BMP7: variants seen among roughly 807,000 people sequenced by gnomAD.
BMP7 encodes bone morphogenetic protein 7, also known as osteogenic protein 1.
BMP7 carries 12 observed loss-of-function variants against 41.2 expected under a neutral mutation model. The ratio of observed to expected loss-of-function variants is 0.29; its 90% CI spans 0.19 to 0.47. The LOEUF is 0.47. Among genes scored for constraint, BMP7 ranks in the 20% least tolerant of loss-of-function variants. The probability of loss-of-function intolerance (pLI) is 0.99; values close to 1 mark genes in which losing one functional copy is unlikely to be tolerated. For synonymous variants in BMP7, 248 were observed against 250.0 expected (o/e 0.99, Z 0.07); for missense variants, 467 against 606.0 (o/e 0.77, Z 2.41).
intron 2 of BMP7, among the ~76,000 whole-genome samples, chr20:57,205,373 T>C (rs987357428): frequency 1.3e-5 from 2 of 152,224 alleles, no homozygotes; most frequent in African/African-American, 4.8e-5. Flanking sequence ...GCTTCGGGGA[T>C]GTCTACACAG....
Position 57,258,284 on chromosome 20 carries a change from C to T in BMP7, c.418+7421G>A, listed in dbSNP as rs570175246. On this transcript the variant is annotated intron_variant, in intron 1 of 6. Coordinates refer to ENST00000395863, the MANE Select transcript of BMP7 (RefSeq NM_001719.3). Reference sequence around the variant, plus strand: ...ATCTGGCCCTGAAGCCATTCTCTTTCGTCCTCTGGTCTCTAGAGGCTTCTA... The same window carrying T: ...ATCTGGCCCTGAAGCCATTCTCTTTTGTCCTCTGGTCTCTAGAGGCTTCTA... 3.9e-5 allele frequency among the ~76,000 whole-genome samples: 6 copies of T among 152,338 alleles called. No homozygotes were observed. The East Asian group carries it at 7.7e-4, about 20-fold the overall frequency.
chr20:57,264,429 G>A (rs1475408149), intron 1 of BMP7, among the ~76,000 whole-genome samples: 5 of 152,258 alleles, frequency 3.3e-5, no homozygotes, highest in Non-Finnish European at 1.5e-5. Flanking sequence ...TGTTATCTCG[G>A]AAACCAAATA....
At chr20:57,211,498 C>T (rs565161937) in intron 2 of BMP7, among the ~76,000 whole-genome samples, 1 of 146,158 alleles carries the variant, frequency 6.8e-6, no homozygotes, top group African/African-American at 2.8e-5. Context: ...CAGGTCCTGA[C>T]CCAGGAAGCT....
At chr20:57,206,069 C>T (rs770848360) in intron 2 of BMP7, among the ~76,000 whole-genome samples, 15 of 152,116 alleles carry the variant, frequency 9.9e-5, no homozygotes, top group Admixed American at 2.6e-4. Flanking sequence ...TCTGACAGCT[C>T]GGAGAGGGGG....
chr20:57,221,227 C>T (rs377637836), intron 2 of BMP7, among the ~76,000 whole-genome samples: 13 of 152,246 alleles, frequency 8.5e-5, no homozygotes, highest in Admixed American at 1.3e-4. Context: ...TGTCCAAGTC[C>T]GTGCAACTTC....
chr20:57,214,675 C>T lies in BMP7; in HGVS notation c.612-12052G>A, dbSNP rs1194267481. On this transcript the variant is annotated intron_variant, in intron 2 of 6. Transcript: ENST00000395863. The surrounding 1 kb of genome is among the most constrained non-coding windows in gnomAD (Gnocchi z 4.0). Reference sequence around the variant, plus strand: ...CCTGTTCTTGAGCATCCCAGGGAAGCGTCCACTGATGCCCTAATGGTGCAT... The same window carrying T: ...CCTGTTCTTGAGCATCCCAGGGAAGTGTCCACTGATGCCCTAATGGTGCAT... Among the ~76,000 whole-genome samples the T allele has an allele frequency of 6.6e-6, 1 of 152,208 alleles. No individual in the cohort carries two copies. The highest frequency in any genetic ancestry group is 1.9e-4 in the East Asian group (1 of 5,190).
intron 2 of BMP7, 147 bp from the exon 3 acceptor site, chr20:57,202,770 C>T: frequency 9.9e-7 from 1 of 1,006,396 alleles, no homozygotes; most frequent in Admixed American, 2.4e-5. Flanking sequence ...AGACCAAGAT[C>T]CAGGCACAAA....
chr20:57,192,756 A>G (rs74556490), intron 3 of BMP7, among the ~76,000 whole-genome samples: 17 of 134,926 alleles, frequency 1.3e-4, no homozygotes, highest in East Asian at 7.9e-4. Context: ...GCAGATTTTG[A>G]AAAAAAAAAA....
intron 1 of BMP7, among the ~76,000 whole-genome samples, chr20:57,251,549 C>A (rs911501779): frequency 6.6e-6 from 1 of 152,178 alleles, no homozygotes; most frequent in African/African-American, 2.4e-5. Context: ...ACAGCTTTCG[C>A]AGACTCAGAG....
intron 3 of BMP7, among the ~76,000 whole-genome samples, chr20:57,190,685 G>C (rs547713683): frequency 6.6e-6 from 1 of 152,058 alleles, no homozygotes; most frequent in Non-Finnish European, 1.5e-5. Flanking sequence ...GCTCCTGCCC[G>C]CCCCTCCTCC....
In BMP7 at chr20:57,214,370, C is replaced by A. The variant is rs1187219858; in HGVS notation, c.612-11747G>T. Among the ~76,000 whole-genome samples, 1 of 152,190 alleles carries A rather than the reference C, an allele frequency of 6.6e-6. No individual in the cohort carries two copies. The highest frequency in any genetic ancestry group is 6.5e-5 in the Admixed American group (1 of 15,288). Reference sequence around the variant, plus strand: ...CCCTGCCTCAAACCCTTTATCAGCTCTTAGGATAAAAAGCCAAAGCTCTCT... The same window carrying A: ...CCCTGCCTCAAACCCTTTATCAGCTATTAGGATAAAAAGCCAAAGCTCTCT... On this transcript the variant is annotated intron_variant, in intron 2 of 6. Transcript: ENST00000395863. The surrounding 1 kb of genome is among the most constrained non-coding windows in gnomAD (Gnocchi z 4.0).
intron 1 of BMP7, among the ~76,000 whole-genome samples, chr20:57,235,851 A>T (rs1482473771): frequency 6.6e-6 from 1 of 152,244 alleles, no homozygotes; most frequent in Non-Finnish European, 1.5e-5. Flanking sequence ...GACACAAAGC[A>T]GTGCCCTGAC....
chr20:57,196,121 C>G (rs1249100904), intron 3 of BMP7, among the ~76,000 whole-genome samples: 1 of 152,170 alleles, frequency 6.6e-6, no homozygotes, highest in African/African-American at 2.4e-5. Flanking sequence ...GAGGGAGACA[C>G]CATGAACCAG....
chr20:57,185,487 G>A (rs1031475501), intron 3 of BMP7, among the ~76,000 whole-genome samples: 42 of 152,260 alleles, frequency 2.8e-4, no homozygotes, highest in African/African-American at 9.9e-4. Flanking sequence ...AGAAGGGAGG[G>A]ACTGTTTACC....
chr20:57,202,531 C>CA lies in BMP7; in HGVS notation c.703dup (p.Trp235LeufsTer97). ...CAGGTTGTGCCGCGGATTGACCACC[C>CA]AGTGGTTGCTGGTGGCTGTGATGTC... On this transcript the variant is annotated frameshift_variant, in exon 3 of 7. Coordinates refer to ENST00000395863, the MANE Select transcript of BMP7 (RefSeq NM_001719.3). LOFTEE classifies it high-confidence loss of function. The CA allele has an allele frequency of 6.2e-7, 1 of 1,611,054 alleles. No individual in the cohort carries two copies. The highest frequency in any genetic ancestry group is 8.5e-7 in the Non-Finnish European group (1 of 1,179,976).
intron 2 of BMP7, among the ~76,000 whole-genome samples, chr20:57,212,795 A>G (rs974637543): frequency 6.6e-6 from 1 of 152,124 alleles, no homozygotes; most frequent in African/African-American, 2.4e-5. Context: ...CCCAGAAGGA[A>G]GCCGGCCCCA....
chr20:57,177,355 AT>A (rs11432352), intron 4 of BMP7, among the ~76,000 whole-genome samples: 3 of 150,870 alleles, frequency 2.0e-5, no homozygotes, highest in Admixed American at 6.6e-5. Context: ...TTCATCAGCA[AT>A]TTTTTTTTTG....
At chr20:57,260,432 C>T (rs1033229205) in intron 1 of BMP7, among the ~76,000 whole-genome samples, 1 of 152,172 alleles carries the variant, frequency 6.6e-6, no homozygotes, top group Non-Finnish European at 1.5e-5. Context: ...AGCTCAACTC[C>T]ACGTTGATCT....
At chr20:57,246,837 A>G (rs1225425489) in intron 1 of BMP7, among the ~76,000 whole-genome samples, 1 of 152,096 alleles carries the variant, frequency 6.6e-6, no homozygotes, top group East Asian at 1.9e-4. Flanking sequence ...AAAAGTACAA[A>G]AATTAGCCGG....
Sources: allele counts gnomAD v4.1 joint callset (sites outside exome capture counted in the v4.1 genomes callset), GRCh38; gene constraint gnomAD v4.1.1; non-coding constraint Gnocchi (gnomAD v3.1); transcripts MANE v1.5; gene names NCBI Gene and HGNC (gene_info 2026-07-23, HGNC 2026-07-21).